MACROD2: variants seen among roughly 807,000 people sequenced by gnomAD.
The protein encoded by MACROD2 is mono-ADP ribosylhydrolase 2.
Under a neutral mutation model 70.4 loss-of-function variants are expected in MACROD2, and 36 were observed. That is an observed-to-expected ratio of 0.51 (90% CI 0.39 to 0.68). MACROD2 has a LOEUF of 0.68. Ranked by LOEUF, MACROD2 falls within the 30% of genes least tolerant of loss-of-function variation. MACROD2 has a pLI of 0.00. For synonymous variants in MACROD2, 172 were observed against 178.8 expected (o/e 0.96, Z 0.30); for missense variants, 496 against 538.4 (o/e 0.92, Z 0.78).
At chr20:14,931,465 C>G (rs1397507762) in intron 5 of MACROD2, among the ~76,000 whole-genome samples, 2 of 152,078 alleles carry the variant, frequency 1.3e-5, no homozygotes, top group Non-Finnish European at 2.9e-5. Flanking sequence ...GAGTGAATCT[C>G]CAGCTTGACC....
At chr20:15,273,887 G>A (rs1340359942) in intron 6 of MACROD2, among the ~76,000 whole-genome samples, 2 of 152,120 alleles carry the variant, frequency 1.3e-5, no homozygotes, top group Non-Finnish European at 2.9e-5. Flanking sequence ...CTGTGAACTG[G>A]AAATACTAAT....
chr20:15,355,105 C>T (rs1282569046), intron 6 of MACROD2, among the ~76,000 whole-genome samples: 1 of 152,160 alleles, frequency 6.6e-6, no homozygotes, highest in African/African-American at 2.4e-5. Context: ...AACTGGAGTA[C>T]TATAATACAA....
At chr20:15,641,093 G>A (rs1189628951) in intron 8 of MACROD2, among the ~76,000 whole-genome samples, 1 of 152,186 alleles carries the variant, frequency 6.6e-6, no homozygotes, top group African/African-American at 2.4e-5. Flanking sequence ...TGAAAATAGA[G>A]TTTATTGGAG....
At chr20:14,458,638 C>T (rs2084331624) in intron 3 of MACROD2, among the ~76,000 whole-genome samples, 1 of 152,056 alleles carries the variant, frequency 6.6e-6, no homozygotes, top group Non-Finnish European at 1.5e-5. Flanking sequence ...AAAGCCCCTT[C>T]CCCTTTACTT....
At chr20:14,684,694 G>T in intron 4 of MACROD2, 149 bp from the exon 5 acceptor site, 1 of 491,266 alleles carries the variant, frequency 2.0e-6, no homozygotes, top group Non-Finnish European at 3.8e-6. Flanking sequence ...ACAAGCTAGT[G>T]TTTGAAACAT....
At chr20:15,038,810 A>G (rs1422569983) in intron 5 of MACROD2, among the ~76,000 whole-genome samples, 4 of 152,204 alleles carry the variant, frequency 2.6e-5, no homozygotes, top group East Asian at 1.9e-4. Flanking sequence ...TGATGCTATC[A>G]TAGGAGTGAA....
At chr20:14,075,302 A>C (rs1033903788) in intron 2 of MACROD2, among the ~76,000 whole-genome samples, 1 of 152,202 alleles carries the variant, frequency 6.6e-6, no homozygotes, top group Admixed American at 6.5e-5. Context: ...TGAATGACAA[A>C]TGCTTAGTTA....
intron 6 of MACROD2, among the ~76,000 whole-genome samples, chr20:15,257,774 A>T (rs772931046): frequency 6.6e-6 from 1 of 152,120 alleles, no homozygotes; most frequent in Non-Finnish European, 1.5e-5. Flanking sequence ...TATACTTCTT[A>T]TCACTACTTT....
At chr20:14,838,711 A>G (rs1209294781) in intron 5 of MACROD2, among the ~76,000 whole-genome samples, 2 of 152,144 alleles carry the variant, frequency 1.3e-5, no homozygotes, top group Non-Finnish European at 2.9e-5. Context: ...GATACACTGA[A>G]GTGTGTTCAC....
chr20:15,715,724 C>G (rs2050698632), intron 8 of MACROD2, among the ~76,000 whole-genome samples: 2 of 152,092 alleles, frequency 1.3e-5, no homozygotes, highest in Non-Finnish European at 2.9e-5. Flanking sequence ...TACTGTATGT[C>G]TTAATTAAAT....
At chr20:14,555,096 A>T (rs563967341) in intron 4 of MACROD2, among the ~76,000 whole-genome samples, 3 of 151,810 alleles carry the variant, frequency 2.0e-5, no homozygotes, top group South Asian at 2.1e-4. Context: ...TGTATATTTT[A>T]AAAAACTACA....
intron 5 of MACROD2, among the ~76,000 whole-genome samples, chr20:15,157,357 C>G (rs1350732693): frequency 8.2e-4 from 7 of 8,558 alleles, no homozygotes; most frequent in East Asian, 0.016. Flanking sequence ...CCACCCCCCC[C>G]CACCTCCCCC....
intron 7 of MACROD2, among the ~76,000 whole-genome samples, chr20:15,463,167 AC>A (rs1196557880): frequency 6.6e-6 from 1 of 152,240 alleles, no homozygotes; most frequent in African/African-American, 2.4e-5. Context: ...CTTTGGCATA[AC>A]TAGAGATAGC....
intron 8 of MACROD2, among the ~76,000 whole-genome samples, chr20:15,613,918 C>T (rs2049003299): frequency 1.3e-5 from 2 of 152,316 alleles, no homozygotes; most frequent in Middle Eastern, 3.4e-3. Flanking sequence ...GCTGTCATGG[C>T]TCAATAGAGC....
At chr20:14,994,099 T>A (rs893612388) in intron 5 of MACROD2, among the ~76,000 whole-genome samples, 1 of 152,236 alleles carries the variant, frequency 6.6e-6, no homozygotes, top group African/African-American at 2.4e-5. Flanking sequence ...TGCCTTTACA[T>A]ACACAGACAT....
chr20:14,239,120 C>T (rs2081906318), intron 3 of MACROD2, among the ~76,000 whole-genome samples: 2 of 150,882 alleles, frequency 1.3e-5, no homozygotes, highest in African/African-American at 4.9e-5. Context: ...CAATCTCATT[C>T]TCAATAGGCA....
chr20:15,047,976 T>A (rs959248783), intron 5 of MACROD2, among the ~76,000 whole-genome samples: 1 of 152,138 alleles, frequency 6.6e-6, no homozygotes, highest in Non-Finnish European at 1.5e-5. Context: ...CATAATTTTT[T>A]TAAAGGGCTG....
At chr20:15,488,624 A>G (rs962750880) in intron 7 of MACROD2, among the ~76,000 whole-genome samples, 2 of 152,150 alleles carry the variant, frequency 1.3e-5, no homozygotes, top group Non-Finnish European at 2.9e-5. Context: ...GGTGTGCTTT[A>G]TGTTTGGAAA....
chr20:14,480,131 C>T (rs2084646017), intron 3 of MACROD2, among the ~76,000 whole-genome samples: 1 of 152,164 alleles, frequency 6.6e-6, no homozygotes, highest in African/African-American at 2.4e-5. Flanking sequence ...CCTCCTGCCT[C>T]AGCCTCCAAA....
Sources: allele counts gnomAD v4.1 joint callset (sites outside exome capture counted in the v4.1 genomes callset), GRCh38; gene constraint gnomAD v4.1.1; transcripts MANE v1.5; gene names NCBI Gene and HGNC (gene_info 2026-07-23, HGNC 2026-07-21).